The following SLX4IP variants were observed in gnomAD, a reference collection of about 807,000 sequenced individuals.
SLX4IP encodes protein SLX4IP.
In SLX4IP, 34 loss-of-function variants were observed where a neutral mutation model predicts 32.9. The observed-to-expected ratio is 1.03, with a 90% confidence interval of 0.79 to 1.38. The LOEUF (loss-of-function observed/expected upper bound fraction) is 1.38. SLX4IP is among the 40% of genes most tolerant of loss of function. The pLI is 0.00. For missense variants in SLX4IP, 444 were observed against 479.0 expected, an observed-to-expected ratio of 0.93 and a Z score of 0.68; for synonymous variants, 172 against 171.7, an observed-to-expected ratio of 1.00 and a Z score of -0.01.
At chr20:10,518,404 T>TTCCTTCCTTCCTTCC (rs1568719908) in intron 2 of SLX4IP, among the ~76,000 whole-genome samples, 3 of 92,426 alleles carry the variant, frequency 3.2e-5, no homozygotes, top group African/African-American at 1.4e-4. Context: ...TCTTTCTTTC[T>TTCCTTCCTTCCTTCC]TTCCTTCCTT....
rs552142118 is a variant in SLX4IP, at chr20:10,610,436, G to A, written c.405+8617G>A. Among the ~76,000 whole-genome samples, 11 of 152,376 alleles carry A rather than the reference G, an allele frequency of 7.2e-5. No individual in the cohort carries two copies. In the East Asian group the frequency reaches 2.1e-3, roughly 29 times the overall value. ...GACCCGCCCTTTTCATGGGAAGGCA[G>A]AGAAGTGAAGTCCTCAGAGGACGGA... On this transcript the variant is annotated intron_variant, in intron 6 of 7. Transcript: ENST00000334534.
At chr20:10,564,733 C>CA (rs2066371014) in intron 4 of SLX4IP, among the ~76,000 whole-genome samples, 1 of 152,076 alleles carries the variant, frequency 6.6e-6, no homozygotes, top group Non-Finnish European at 1.5e-5. Flanking sequence ...CAGACATTGC[C>CA]AATAGCCTCA....
At chr20:10,524,470 C>A (rs2065926165) in intron 2 of SLX4IP, among the ~76,000 whole-genome samples, 1 of 152,158 alleles carries the variant, frequency 6.6e-6, no homozygotes, top group Admixed American at 6.5e-5. Context: ...GGGATGAAGT[C>A]AGAAACACAC....
At chr20:10,442,191 GA>G (rs770386249) in intron 1 of SLX4IP, among the ~76,000 whole-genome samples, 4 of 152,178 alleles carry the variant, frequency 2.6e-5, no homozygotes, top group Non-Finnish European at 4.4e-5. Flanking sequence ...AGCAACACTA[GA>G]AAGAAGACAA....
chr20:10,440,358 G>A (rs2065151256), intron 1 of SLX4IP, among the ~76,000 whole-genome samples: 2 of 151,908 alleles, frequency 1.3e-5, no homozygotes, highest in Admixed American at 1.3e-4. Flanking sequence ...GGGAGGCTGA[G>A]GTGGGAGAGT....
chr20:10,557,407 T>A (rs2066278192), intron 3 of SLX4IP, among the ~76,000 whole-genome samples: 1 of 152,264 alleles, frequency 6.6e-6, no homozygotes, highest in Admixed American at 6.5e-5. Flanking sequence ...AGGTTCTGTA[T>A]GGTGGGATTT....
chr20:10,492,302 C>G (rs2065630312), intron 2 of SLX4IP, among the ~76,000 whole-genome samples: 1 of 152,182 alleles, frequency 6.6e-6, no homozygotes, highest in African/African-American at 2.4e-5. Flanking sequence ...CCTCACTGGA[C>G]AGTGTAAATT....
chr20:10,607,787 G>A (rs957228502), intron 6 of SLX4IP, among the ~76,000 whole-genome samples: 1 of 152,018 alleles, frequency 6.6e-6, no homozygotes, highest in African/African-American at 2.4e-5. Flanking sequence ...AAATCTCTAG[G>A]GTGAGATCAT....
chr20:10,463,382 G>A (rs566578121), intron 2 of SLX4IP, among the ~76,000 whole-genome samples: 30 of 152,126 alleles, frequency 2.0e-4, no homozygotes, highest in African/African-American at 2.7e-4. Context: ...GAGCTTCAGC[G>A]GAGAGCCTCA....
At chr20:10,484,001 TTTAAATC>T (rs1311425207) in intron 2 of SLX4IP, among the ~76,000 whole-genome samples, 1 of 152,130 alleles carries the variant, frequency 6.6e-6, no homozygotes, top group East Asian at 1.9e-4. Flanking sequence ...AGATCATACT[TTTAAATC>T]TAATCTTACT....
intron 4 of SLX4IP, among the ~76,000 whole-genome samples, chr20:10,575,724 T>A (rs150508604): frequency 3.3e-5 from 5 of 152,166 alleles, no homozygotes; most frequent in African/African-American, 1.2e-4. Flanking sequence ...GAAGTACTTG[T>A]AGCATTCACC....
intron 6 of SLX4IP, among the ~76,000 whole-genome samples, chr20:10,618,574 AT>A (rs1027160541): frequency 6.4e-4 from 97 of 152,094 alleles, no homozygotes; most frequent in Admixed American, 4.8e-3. Context: ...GGTTAATCTA[AT>A]TTTTTAATAC....
At chr20:10,513,900 C>A (rs1197702885) in intron 2 of SLX4IP, among the ~76,000 whole-genome samples, 1 of 152,132 alleles carries the variant, frequency 6.6e-6, no homozygotes, top group African/African-American at 2.4e-5. Context: ...CTTTAGGCCC[C>A]CTACTTCTAG....
chr20:10,599,724 C>T (rs1339029493), intron 5 of SLX4IP, among the ~76,000 whole-genome samples: 2 of 152,140 alleles, frequency 1.3e-5, no homozygotes, highest in Non-Finnish European at 2.9e-5. Context: ...TTAACAGGTC[C>T]TTCCACTTTG....
At chr20:10,562,809 C>G (rs550684687) in intron 4 of SLX4IP, among the ~76,000 whole-genome samples, 6 of 152,208 alleles carry the variant, frequency 3.9e-5, no homozygotes, top group Admixed American at 6.5e-5. Context: ...TTTATCCATT[C>G]ATCTGGTGAT....
At chr20:10,591,736 G>A (rs78369863) in intron 4 of SLX4IP, among the ~76,000 whole-genome samples, 10,870 of 152,184 alleles carry the variant, frequency 0.071, 610 homozygotes, top group South Asian at 0.24. Context: ...CTATGCTTGC[G>A]TGTTATCCAA....
intron 2 of SLX4IP, among the ~76,000 whole-genome samples, chr20:10,550,827 A>G (rs1410331422): frequency 2.0e-5 from 3 of 152,096 alleles, no homozygotes; most frequent in Admixed American, 1.3e-4. Flanking sequence ...CTTGACTGCG[A>G]CACCACCTCC....
chr20:10,446,950 T>G (rs2065207761), intron 1 of SLX4IP, among the ~76,000 whole-genome samples: 1 of 152,224 alleles, frequency 6.6e-6, no homozygotes, highest in Non-Finnish European at 1.5e-5. Context: ...ATTCTTTTTC[T>G]TTATGGTTTA....
intron 4 of SLX4IP, among the ~76,000 whole-genome samples, chr20:10,562,881 G>A (rs2066348428): frequency 6.6e-6 from 1 of 152,162 alleles, no homozygotes; most frequent in South Asian, 2.1e-4. Context: ...AAGCAAGGGG[G>A]TACAGATCTC....
Sources: allele counts gnomAD v4.1 joint callset (sites outside exome capture counted in the v4.1 genomes callset), GRCh38; gene constraint gnomAD v4.1.1; transcripts MANE v1.5; gene names NCBI Gene and HGNC (gene_info 2026-07-23, HGNC 2026-07-21).